The following CSMD3 variants were observed in gnomAD, a reference collection of about 807,000 sequenced individuals.
The protein encoded by CSMD3 is CUB and Sushi multiple domains 3, also known as CUB and sushi domain-containing protein 3.
Under a neutral mutation model 435.2 loss-of-function variants are expected in CSMD3, and 177 were observed. The ratio of observed to expected loss-of-function variants is 0.41; its 90% CI spans 0.36 to 0.46. The LOEUF is 0.46. CSMD3 is among the 20% of genes least tolerant of loss of function. The pLI is 0.34. For missense variants in CSMD3, 4,265 were observed against 4,504.6 expected, an observed-to-expected ratio of 0.95 and a Z score of 1.52; for synonymous variants, 1,656 against 1,520.5, an observed-to-expected ratio of 1.09 and a Z score of -2.07.
chr8:112,928,944 CACCTGTTGTTTCCTG>C (rs2083004971), intron 9 of CSMD3, among the ~76,000 whole-genome samples: 1 of 129,650 alleles, frequency 7.7e-6, no homozygotes, highest in African/African-American at 2.8e-5. Context: ...TCCTCTCCAG[CACCTGTTGTTTCCTG>C]ACTTTTTAAT....
At chr8:112,410,853 GA>G (rs958684680) in intron 32 of CSMD3, among the ~76,000 whole-genome samples, 1 of 148,504 alleles carries the variant, frequency 6.7e-6, no homozygotes, top group Non-Finnish European at 1.5e-5. Flanking sequence ...CCGGAAAAAA[GA>G]AAAAAAATGG....
intron 32 of CSMD3, among the ~76,000 whole-genome samples, chr8:112,451,370 TG>T (rs113712493): frequency 7.9e-5 from 12 of 151,956 alleles, no homozygotes; most frequent in Admixed American, 2.6e-4. Flanking sequence ...AAACATGAAA[TG>T]AAAAAAAAGA....
intron 1 of CSMD3, among the ~76,000 whole-genome samples, chr8:113,422,873 A>G (rs1441953216): frequency 6.6e-6 from 1 of 152,084 alleles, no homozygotes; most frequent in African/African-American, 2.4e-5. Flanking sequence ...GATACTTTAA[A>G]GTGTAGATTA....
intron 27 of CSMD3, among the ~76,000 whole-genome samples, chr8:112,543,694 A>C (rs966259511): frequency 6.6e-6 from 1 of 152,168 alleles, no homozygotes; most frequent in African/African-American, 2.4e-5. Flanking sequence ...TCTAAAAATG[A>C]AACTACTTTA....
At chr8:112,934,861 T>G (rs2083230260) in intron 9 of CSMD3, among the ~76,000 whole-genome samples, 1 of 152,160 alleles carries the variant, frequency 6.6e-6, no homozygotes, top group Non-Finnish European at 1.5e-5. Context: ...TTCCATTCTG[T>G]AGGCTGTCCC....
intron 1 of CSMD3, among the ~76,000 whole-genome samples, chr8:113,433,809 G>C (rs1160252140): frequency 6.6e-6 from 1 of 152,154 alleles, no homozygotes; most frequent in Non-Finnish European, 1.5e-5. Flanking sequence ...CTATCTGGGT[G>C]AGACCTAAAC....
chr8:113,146,329 ATG>A (rs1415543496), intron 4 of CSMD3, among the ~76,000 whole-genome samples: 3 of 151,460 alleles, frequency 2.0e-5, no homozygotes, highest in African/African-American at 4.8e-5. Flanking sequence ...TCTACATGTA[ATG>A]TGAATTGTGC....
At chr8:113,329,731 GA>G (rs1242884191) in intron 1 of CSMD3, among the ~76,000 whole-genome samples, 1 of 151,790 alleles carries the variant, frequency 6.6e-6, no homozygotes, top group Non-Finnish European at 1.5e-5. Context: ...GCAGCAAAGA[GA>G]AAAAATAAAT....
chr8:112,891,199 G>A (rs1309299554), intron 10 of CSMD3, among the ~76,000 whole-genome samples: 5 of 151,354 alleles, frequency 3.3e-5, no homozygotes, highest in African/African-American at 7.3e-5. Flanking sequence ...AGCAGTTGTC[G>A]CATCACCTGG....
chr8:112,646,701 T>C (rs1015247077), intron 19 of CSMD3, among the ~76,000 whole-genome samples: 4 of 152,112 alleles, frequency 2.6e-5, no homozygotes, highest in Non-Finnish European at 4.4e-5. Flanking sequence ...GATGGGAAAG[T>C]ATAGAATATA....
rs1344839390 is a variant in CSMD3 at position 112,327,513 on chromosome 8, C to T, written c.7166-7532G>A. 4.6e-5 allele frequency among the ~76,000 whole-genome samples: 7 copies of T among 152,122 alleles called. No individual in the cohort carries two copies. The East Asian group carries it at 1.2e-3, about 25-fold the overall frequency. On this transcript the variant is annotated intron_variant, in intron 45 of 70. Transcript: ENST00000297405. ...AAATCATATGTACATATATGTTAGT[C>T]CATGCTTTTCATGGATTGTTCTATT...
At chr8:112,669,545 G>A (rs368181278) in intron 16 of CSMD3, among the ~76,000 whole-genome samples, 3 of 152,056 alleles carry the variant, frequency 2.0e-5, no homozygotes, top group East Asian at 1.9e-4. Context: ...CAGGTGTGAA[G>A]ATACTACACT....
intron 13 of CSMD3, among the ~76,000 whole-genome samples, chr8:112,720,428 A>C (rs1170192869): frequency 1.3e-5 from 2 of 152,174 alleles, no homozygotes; most frequent in Non-Finnish European, 2.9e-5. Context: ...ATTCTACCCA[A>C]ATTATGCCTC....
intron 1 of CSMD3, among the ~76,000 whole-genome samples, chr8:113,400,509 T>C (rs963230004): frequency 6.6e-6 from 1 of 152,018 alleles, no homozygotes; most frequent in East Asian, 1.9e-4. Flanking sequence ...TGGACACTAC[T>C]TTTTAAAGCA....
chr8:112,564,613 C>G (rs929018465), intron 24 of CSMD3, among the ~76,000 whole-genome samples: 5 of 152,192 alleles, frequency 3.3e-5, no homozygotes, highest in Admixed American at 6.6e-5. Context: ...AACAACCTGA[C>G]AGCACCATAC....
chr8:113,148,820 T>C (rs957786206), intron 4 of CSMD3, among the ~76,000 whole-genome samples: 1 of 151,782 alleles, frequency 6.6e-6, no homozygotes, highest in Non-Finnish European at 1.5e-5. Flanking sequence ...AATAATTGTA[T>C]ATTTATAAAA....
At chr8:113,379,157 G>A (rs1357878646) in intron 1 of CSMD3, among the ~76,000 whole-genome samples, 1 of 152,066 alleles carries the variant, frequency 6.6e-6, no homozygotes, top group African/African-American at 2.4e-5. Flanking sequence ...TTTTAGTGTA[G>A]TCAAAAGGAG....
chr8:112,443,095 T>A (rs1815217797), intron 32 of CSMD3, among the ~76,000 whole-genome samples: 1 of 152,216 alleles, frequency 6.6e-6, no homozygotes, highest in Non-Finnish European at 1.5e-5. Context: ...GCCTCCCTGG[T>A]GCCAGGAACT....
intron 52 of CSMD3, among the ~76,000 whole-genome samples, chr8:112,302,652 C>T (rs961958880): frequency 6.6e-5 from 10 of 151,792 alleles, no homozygotes; most frequent in Admixed American, 1.3e-4. Context: ...GTATTATGTA[C>T]TAGGTGCTAT....
Sources: gnomAD v4.1 joint callset for allele counts (sites outside exome capture counted in the v4.1 genomes callset) on GRCh38, gnomAD v4.1.1 for gene constraint, MANE v1.5 for transcripts, NCBI Gene and HGNC (gene_info 2026-07-23, HGNC 2026-07-21) for gene names.